ZNF385B: variants seen among roughly 807,000 people sequenced by gnomAD.
ZNF385B encodes the protein zinc finger protein 533.
In ZNF385B, 23 loss-of-function variants were observed where a neutral mutation model predicts 39.2. The observed-to-expected ratio is 0.59, with a 90% confidence interval of 0.42 to 0.83. ZNF385B has a LOEUF of 0.83. Ranked by LOEUF, ZNF385B falls within the 40% of genes least tolerant of loss-of-function variation. The pLI, the probability that ZNF385B is intolerant of heterozygous loss-of-function variation, is 0.00. For synonymous variants in ZNF385B, 205 were observed against 222.6 expected, an observed-to-expected ratio of 0.92 and a Z score of 0.70; for missense variants, 552 against 598.9, an observed-to-expected ratio of 0.92 and a Z score of 0.82.
intron 3 of ZNF385B, among the ~76,000 whole-genome samples, chr2:179,559,919 C>A (rs2105957704): frequency 6.6e-6 from 1 of 152,188 alleles, no homozygotes; most frequent in East Asian, 1.9e-4. Context: ...CCTACATCTC[C>A]CCATATTCCC....
At chr2:179,504,608 T>G (rs1234351552) in intron 5 of ZNF385B, among the ~76,000 whole-genome samples, 1 of 151,820 alleles carries the variant, frequency 6.6e-6, no homozygotes, top group Non-Finnish European at 1.5e-5. Context: ...GGTTTTGATT[T>G]GCATTTCTCT....
At chr2:179,626,707 C>A (rs1690695068) in intron 3 of ZNF385B, among the ~76,000 whole-genome samples, 1 of 152,020 alleles carries the variant, frequency 6.6e-6, no homozygotes, top group African/African-American at 2.4e-5. Flanking sequence ...ATTACCTTAA[C>A]CTTAGATTTC....
chr2:179,479,945 C>T (rs1021659096), intron 6 of ZNF385B, among the ~76,000 whole-genome samples: 16 of 152,194 alleles, frequency 1.1e-4, no homozygotes, highest in African/African-American at 3.4e-4. Flanking sequence ...GAATGCTGCT[C>T]TCCCAGAAGC....
At chr2:179,807,666 T>C (rs569061699) in intron 1 of ZNF385B, among the ~76,000 whole-genome samples, 21 of 149,960 alleles carry the variant, frequency 1.4e-4, no homozygotes, top group Non-Finnish European at 1.0e-4. Flanking sequence ...GAGGCCAAGG[T>C]GGGCGGATCA....
intron 1 of ZNF385B, among the ~76,000 whole-genome samples, chr2:179,815,143 A>C (rs1015571788): frequency 6.6e-5 from 10 of 152,182 alleles, no homozygotes; most frequent in Non-Finnish European, 1.0e-4. Flanking sequence ...TGGGAGAAGC[A>C]ATAGAGAGAG....
intron 3 of ZNF385B, among the ~76,000 whole-genome samples, chr2:179,565,839 A>G (rs1027977723): frequency 2.0e-5 from 3 of 152,176 alleles, no homozygotes; most frequent in African/African-American, 7.2e-5. Context: ...GCTGCAATGC[A>G]TTTTATTCAC....
At chr2:179,575,593 T>C (rs1212963655) in intron 3 of ZNF385B, among the ~76,000 whole-genome samples, 1 of 152,116 alleles carries the variant, frequency 6.6e-6, no homozygotes, top group Non-Finnish European at 1.5e-5. Context: ...AAAGGCCACT[T>C]GTCTGGGAGT....
intron 1 of ZNF385B, among the ~76,000 whole-genome samples, chr2:179,782,661 A>G (rs964343589): frequency 1.3e-5 from 2 of 152,318 alleles, no homozygotes; most frequent in East Asian, 1.9e-4. Context: ...ATGTACAAAA[A>G]TCACTAGCAT....
At chr2:179,688,896 G>A (rs1698137564) in intron 3 of ZNF385B, among the ~76,000 whole-genome samples, 1 of 152,004 alleles carries the variant, frequency 6.6e-6, no homozygotes, top group East Asian at 1.9e-4. Context: ...AAAAAGACTA[G>A]GTTTTAAAAA....
chr2:179,622,947 GCA>G (rs1274196910), intron 3 of ZNF385B, among the ~76,000 whole-genome samples: 9 of 152,208 alleles, frequency 5.9e-5, no homozygotes, highest in African/African-American at 1.9e-4. Context: ...CCTTCAGAGG[GCA>G]CACACAAGCT....
At chr2:179,848,702 C>T (rs1047353017) in intron 1 of ZNF385B, among the ~76,000 whole-genome samples, 1 of 152,172 alleles carries the variant, frequency 6.6e-6, no homozygotes, top group African/African-American at 2.4e-5. Flanking sequence ...GTCTCAACCA[C>T]TGTGAAATGG....
intron 1 of ZNF385B, among the ~76,000 whole-genome samples, chr2:179,849,535 G>A (rs1708971390): frequency 6.6e-6 from 1 of 152,186 alleles, no homozygotes; most frequent in Admixed American, 6.5e-5. Flanking sequence ...AAATAGAATG[G>A]GTGGGGTAAG....
intron 3 of ZNF385B, among the ~76,000 whole-genome samples, chr2:179,649,557 A>G (rs1693028013): frequency 1.3e-5 from 2 of 152,192 alleles, no homozygotes; most frequent in Admixed American, 1.3e-4. Context: ...TTATGGGGTA[A>G]ATATGTCATA....
At chr2:179,731,857 C>T (rs1345012789) in intron 3 of ZNF385B, among the ~76,000 whole-genome samples, 6 of 152,152 alleles carry the variant, frequency 3.9e-5, no homozygotes, top group East Asian at 1.9e-4. Flanking sequence ...GGAAGACTAC[C>T]GGAAATGTGC....
rs902327641 is a variant in ZNF385B at position 179,632,674 on chromosome 2, T to C, written c.299-87705A>G. On this transcript the variant is annotated intron_variant, in intron 3 of 9. Transcript: ENST00000410066. The stretch of plus-strand genomic sequence containing the variant: ...AGCAAGAGCAAACACATTCAAAAGC[T>C]AGCAGAAGGTAAGAAATAACTAAGA... Among the ~76,000 whole-genome samples the C allele has an allele frequency of 5.3e-5, 8 of 152,094 alleles. No individual in the cohort carries two copies. In the South Asian group the frequency reaches 1.7e-3, roughly 32 times the overall value.
chr2:179,723,347 G>A (rs536274931), intron 3 of ZNF385B, among the ~76,000 whole-genome samples: 3 of 152,202 alleles, frequency 2.0e-5, no homozygotes, highest in Middle Eastern at 3.4e-3. Flanking sequence ...ATGTATATAC[G>A]TGAATGTTCA....
At chr2:179,590,635 C>A (rs1687475676) in intron 3 of ZNF385B, among the ~76,000 whole-genome samples, 1 of 152,146 alleles carries the variant, frequency 6.6e-6, no homozygotes, top group Non-Finnish European at 1.5e-5. Flanking sequence ...TCACCCAAAT[C>A]TCATCTTGAA....
intron 1 of ZNF385B, among the ~76,000 whole-genome samples, chr2:179,789,280 C>A (rs1381866192): frequency 1.3e-5 from 2 of 152,114 alleles, no homozygotes; most frequent in Non-Finnish European, 2.9e-5. Flanking sequence ...GTTCTTAAAT[C>A]AAAGTTAAGA....
chr2:179,527,370 A>G (rs944350218), intron 4 of ZNF385B, among the ~76,000 whole-genome samples: 8 of 152,138 alleles, frequency 5.3e-5, no homozygotes, highest in Non-Finnish European at 1.0e-4. Flanking sequence ...CTCTAATTCC[A>G]TATTGTTAGG....
Sources: allele counts gnomAD v4.1 joint callset (sites outside exome capture counted in the v4.1 genomes callset), GRCh38; gene constraint gnomAD v4.1.1; transcripts MANE v1.5; gene names NCBI Gene and HGNC (gene_info 2026-07-23, HGNC 2026-07-21).